Variants in LRP1B observed in about 807,000 individuals in gnomAD.
LRP1B encodes LDL receptor related protein 1B.
In LRP1B, 217 loss-of-function variants were observed where a neutral mutation model predicts 556.6. The observed-to-expected ratio is 0.39, with a 90% CI of 0.35 to 0.44. The LOEUF (loss-of-function observed/expected upper bound fraction) is 0.44. Among genes scored for constraint, LRP1B ranks in the 20% least tolerant of loss-of-function variants. LRP1B has a pLI of 1.00. For synonymous variants in LRP1B, 2,047 were observed against 1,865.8 expected (o/e 1.10, Z -2.50); for missense variants, 5,053 against 5,620.8 (o/e 0.90, Z 3.23).
intron 2 of LRP1B, among the ~76,000 whole-genome samples, chr2:141,632,263 T>C (rs541268093): frequency 8.1e-4 from 124 of 152,274 alleles, no homozygotes; most frequent in African/African-American, 2.8e-3. Flanking sequence ...TTATCTAATG[T>C]TTATAAAGAT....
chr2:141,611,694 G>T (rs1272082279), intron 2 of LRP1B, among the ~76,000 whole-genome samples: 3 of 152,120 alleles, frequency 2.0e-5, no homozygotes, highest in Non-Finnish European at 2.9e-5. Flanking sequence ...TGTTTAAATG[G>T]CCTCTAGATG....
chr2:141,070,477 T>C (rs2081800940), intron 7 of LRP1B, among the ~76,000 whole-genome samples: 2 of 151,832 alleles, frequency 1.3e-5, no homozygotes, highest in African/African-American at 2.4e-5. Context: ...ATTCAAAAGC[T>C]AGCAGAAGGC....
chr2:142,041,890 CAT>C (rs374738721), intron 1 of LRP1B, among the ~76,000 whole-genome samples: 264 of 151,596 alleles, frequency 1.7e-3, no homozygotes, highest in African/African-American at 5.9e-3. Context: ...GCTTATTACA[CAT>C]GTCTTAAACT....
At chr2:140,598,044 G>C (rs1682511617) in intron 43 of LRP1B, among the ~76,000 whole-genome samples, 1 of 152,074 alleles carries the variant, frequency 6.6e-6, no homozygotes, top group African/African-American at 2.4e-5. Flanking sequence ...AGGACAAGGG[G>C]GCGCCCTAGC....
At chr2:140,739,874 A>G (rs1445982815) in intron 35 of LRP1B, among the ~76,000 whole-genome samples, 1 of 152,208 alleles carries the variant, frequency 6.6e-6, no homozygotes, top group Non-Finnish European at 1.5e-5. Context: ...ACATGAATGG[A>G]CAATTCTCAA....
chr2:140,774,054 T>C lies in LRP1B; in HGVS notation c.5500+2044A>G, dbSNP rs569253610. On this transcript the variant is annotated intron_variant, in intron 33 of 90. Transcript: ENST00000389484. ...GTGATCTTTGTCAAAAATGATATAT[T>C]AAGTCACTAATTGTACTTTGAAATC... Among the ~76,000 whole-genome samples the C allele has an allele frequency of 5.3e-5, 8 of 152,236 alleles. No individual in the cohort carries two copies. The South Asian group carries it at 1.4e-3, about 28-fold the overall frequency.
At chr2:141,361,606 T>C (rs1461859256) in intron 3 of LRP1B, among the ~76,000 whole-genome samples, 5 of 152,236 alleles carry the variant, frequency 3.3e-5, no homozygotes, top group Non-Finnish European at 5.9e-5. Context: ...ACTTTTTTCT[T>C]TAGCATTGTT....
intron 7 of LRP1B, among the ~76,000 whole-genome samples, chr2:141,072,823 T>C (rs1018420321): frequency 6.6e-6 from 1 of 152,090 alleles, no homozygotes; most frequent in African/African-American, 2.4e-5. Flanking sequence ...TTTGTTTTCT[T>C]ATAGCCCCAG....
chr2:141,607,188 T>A (rs562118692), intron 2 of LRP1B, among the ~76,000 whole-genome samples: 61 of 151,994 alleles, frequency 4.0e-4, no homozygotes, highest in African/African-American at 1.4e-3. Flanking sequence ...AGAAAATCGT[T>A]CTCAACATTT....
chr2:141,683,097 C>T lies in LRP1B; in HGVS notation c.205+127182G>A, dbSNP rs943475474. ...GGAGCCTCCAGAAGGCACAGTTCCA[C>T]TGATACTTTGAGTGTAAGCCCCAGC... On this transcript the variant is annotated intron_variant, in intron 2 of 90. Coordinates refer to ENST00000389484, the MANE Select transcript of LRP1B (RefSeq NM_018557.3). 3.2e-4 allele frequency among the ~76,000 whole-genome samples: 48 copies of T among 152,052 alleles called. 1 individual carries two copies. Among genetic ancestry groups the T allele is most frequent in the African/African-American group, 1.1e-3 (46 of 41,388 alleles).
chr2:141,287,327 C>CT (rs373364398), intron 3 of LRP1B, among the ~76,000 whole-genome samples: 20,199 of 141,892 alleles, frequency 0.14, 1,553 homozygotes, highest in African/African-American at 0.18. Context: ...CTTTATTTTT[C>CT]TTTTTTTTTT....
At chr2:141,822,092 TACAC>T (rs149899299) in intron 1 of LRP1B, among the ~76,000 whole-genome samples, 6,836 of 112,208 alleles carry the variant, frequency 0.061, 229 homozygotes, top group Admixed American at 0.075. Flanking sequence ...AAAAAATACA[TACAC>T]ACACACACAC....
intron 66 of LRP1B, among the ~76,000 whole-genome samples, chr2:140,429,154 G>A (rs1685800214): frequency 6.6e-6 from 1 of 152,084 alleles, no homozygotes; most frequent in African/African-American, 2.4e-5. Flanking sequence ...GCTTTAAAAA[G>A]ATTAAAGCCT....
intron 1 of LRP1B, among the ~76,000 whole-genome samples, chr2:141,960,515 T>C (rs980170616): frequency 6.6e-6 from 1 of 151,902 alleles, no homozygotes; most frequent in Non-Finnish European, 1.5e-5. Context: ...CCGACTTTTA[T>C]AGAATGTTTG....
At chr2:141,951,615 G>T (rs1701107760) in intron 1 of LRP1B, among the ~76,000 whole-genome samples, 1 of 152,136 alleles carries the variant, frequency 6.6e-6, no homozygotes, top group Non-Finnish European at 1.5e-5. Flanking sequence ...ACCACAGTTT[G>T]CAAATAATTG....
chr2:140,564,689 TA>T (rs1681061441), intron 43 of LRP1B, among the ~76,000 whole-genome samples: 1 of 152,044 alleles, frequency 6.6e-6, no homozygotes, highest in African/African-American at 2.4e-5. Flanking sequence ...TTTCCTCAAT[TA>T]AAAAGTAAAA....
intron 1 of LRP1B, among the ~76,000 whole-genome samples, chr2:142,011,727 G>A (rs1011021496): frequency 2.6e-5 from 4 of 152,056 alleles, no homozygotes; most frequent in African/African-American, 4.8e-5. Context: ...ATTAAACTCT[G>A]GCTTACTATT....
At chr2:141,923,506 G>A (rs1700253297) in intron 1 of LRP1B, among the ~76,000 whole-genome samples, 1 of 135,544 alleles carries the variant, frequency 7.4e-6, no homozygotes, top group Admixed American at 7.5e-5. Context: ...GGAGGGAGGG[G>A]GAGAGAGAGA....
intron 41 of LRP1B, among the ~76,000 whole-genome samples, chr2:140,660,072 T>C (rs1273377050): frequency 6.6e-6 from 1 of 152,030 alleles, no homozygotes; most frequent in African/African-American, 2.4e-5. Flanking sequence ...ATAGTGTTTT[T>C]CAAAAAGTGT....
Sources: gnomAD v4.1 joint callset for allele counts (sites outside exome capture counted in the v4.1 genomes callset) on GRCh38, gnomAD v4.1.1 for gene constraint, MANE v1.5 for transcripts, NCBI Gene and HGNC (gene_info 2026-07-23, HGNC 2026-07-21) for gene names.